SLC17A5: variants seen among roughly 807,000 people sequenced by gnomAD.
SLC17A5 encodes the protein solute carrier family 17 member 5.
SLC17A5 carries 47 observed loss-of-function variants against 59.4 expected under a neutral mutation model. The ratio of observed to expected loss-of-function variants is 0.79; its 90% CI spans 0.63 to 1.01. SLC17A5 has a LOEUF of 1.01. SLC17A5 is among the 50% of genes least tolerant of loss of function. SLC17A5 has a pLI of 0.00. For missense variants in SLC17A5, 522 were observed against 595.5 expected (o/e 0.88, Z 1.28); for synonymous variants, 202 against 210.7 (o/e 0.96, Z 0.36).
In SLC17A5 at chr6:73,600,375, G is replaced by C. The variant is rs1767000687; in HGVS notation, c.1326C>G (p.Val442=). ...FATIPGMVGP[V]IAKSLTPDNT... ...CATCAGGGGTCAGACTTTTAGCAAT[G>C]ACGGGCCCAACCATTCCTGGAATAG... The change falls in exon 10 of 11, where the codon GTC becomes GTG. Residue 442 remains valine, a synonymous_variant. Transcript: ENST00000355773. 5.0e-6 allele frequency: 8 copies of C among 1,613,922 alleles called. No individual in the cohort carries two copies. In the South Asian group the frequency reaches 8.8e-5, roughly 18 times the overall value.
chr6:73,627,040 G>T (rs1768452054), intron 6 of SLC17A5, among the ~76,000 whole-genome samples: 1 of 151,422 alleles, frequency 6.6e-6, no homozygotes, highest in Admixed American at 6.6e-5. Flanking sequence ...CCAAAGTGCT[G>T]GGATTACAGG....
intron 6 of SLC17A5, among the ~76,000 whole-genome samples, chr6:73,632,460 T>TTTTTTAA (rs1561996481): frequency 4.8e-5 from 6 of 125,732 alleles, no homozygotes; most frequent in Non-Finnish European, 9.5e-5. Context: ...TTTTTTTTTT[T>TTTTTTAA]AAGACAGGGT....
chr6:73,599,613 A>T (rs1766965786), intron 10 of SLC17A5, among the ~76,000 whole-genome samples: 1 of 152,242 alleles, frequency 6.6e-6, no homozygotes, highest in South Asian at 2.1e-4. Flanking sequence ...ATATTGAGAC[A>T]CAGAACTTTA....
Position 73,600,373 on chromosome 6 carries a change from A to G in SLC17A5, c.1328T>C (p.Ile443Thr). Residue 443 changes from isoleucine (I) to threonine (T), a missense_variant, in exon 10 of 11, where the codon ATT becomes ACT. Ile to Thr is a moderately conservative substitution (Grantham distance 89, BLOSUM62 -1). Transcript: ENST00000355773. ...TACATCAGGGGTCAGACTTTTAGCAATGACGGGCCCAACCATTCCTGGAAT... is the reference window on the plus strand; with the variant it reads ...TACATCAGGGGTCAGACTTTTAGCAGTGACGGGCCCAACCATTCCTGGAAT... ...ATIPGMVGPVIAKSLTPDNTV... is the reference protein window; with the variant it reads ...ATIPGMVGPVTAKSLTPDNTV... 4.3e-6 allele frequency: 7 copies of G among 1,614,068 alleles called. No individual in the cohort carries two copies. Among genetic ancestry groups the G allele is most frequent in the African/African-American group, 4.0e-5 (3 of 75,046 alleles).
chr6:73,643,932 T>C (rs1396672762), intron 2 of SLC17A5, among the ~76,000 whole-genome samples: 1 of 152,146 alleles, frequency 6.6e-6, no homozygotes, highest in Non-Finnish European at 1.5e-5. Context: ...GCAAAATGAC[T>C]TATGTGGCTT....
At chr6:73,639,672 A>C (rs1019294691) in intron 3 of SLC17A5, among the ~76,000 whole-genome samples, 5 of 152,226 alleles carry the variant, frequency 3.3e-5, no homozygotes, top group Non-Finnish European at 5.9e-5. Flanking sequence ...GTCCTTTATG[A>C]ATGAGGAAAT....
At chr6:73,629,533 G>A (rs1279541664) in intron 6 of SLC17A5, among the ~76,000 whole-genome samples, 1 of 152,166 alleles carries the variant, frequency 6.6e-6, no homozygotes, top group Non-Finnish European at 1.5e-5. Flanking sequence ...AGCACTTTGG[G>A]AGGCCGAAGC....
At position 73,625,933 on chromosome 6, in the gene SLC17A5, C is replaced by T. The variant is rs568483259; in HGVS notation, c.820-3971G>A. 2.0e-5 allele frequency among the ~76,000 whole-genome samples: 3 copies of T among 152,264 alleles called. No individual in the cohort carries two copies. The South Asian group carries it at 6.2e-4, about 32-fold the overall frequency. ...TAGAGATCAGATTTTAAAAAGTCTG[C>T]CCTTATCCTTCTTGATTGAAAAGCT... On this transcript the variant is annotated intron_variant, in intron 6 of 10. Coordinates refer to ENST00000355773, the MANE Select transcript of SLC17A5 (RefSeq NM_012434.5).
intron 6 of SLC17A5, among the ~76,000 whole-genome samples, chr6:73,624,881 C>A (rs76881840): frequency 0.16 from 24,500 of 151,664 alleles, 3,011 homozygotes; most frequent in African/African-American, 0.34. Context: ...CAAAAGAAAA[C>A]AATATATATA....
At position 73,636,688 on chromosome 6, in the gene SLC17A5, T is replaced by A; in HGVS notation, c.633A>T (p.Val211=). 1.2e-6 allele frequency: 2 copies of A among 1,610,854 alleles called. No homozygotes were observed. The highest frequency in any genetic ancestry group is 1.7e-6 in the Non-Finnish European group (2 of 1,177,026). Residue 211 remains valine, a synonymous_variant, in exon 5 of 11, where the codon GTA becomes GTT. Transcript: ENST00000355773. ...ISYAGAQLGT[V]ISLPLSGIIC... is the part of the protein sequence containing the mutation. The stretch of plus-strand genomic sequence containing the variant: ...TTATTCCAGAAAGAGGAAGAGAAAT[T>A]ACTGTCCCAAGCTGTGCTCCTAGAA...
intron 9 of SLC17A5, among the ~76,000 whole-genome samples, chr6:73,603,464 A>T (rs1370448674): frequency 2.1e-5 from 3 of 143,082 alleles, no homozygotes; most frequent in Admixed American, 7.3e-5. Flanking sequence ...CTTGTTGCCC[A>T]GACTGGAGTG....
intron 9 of SLC17A5, among the ~76,000 whole-genome samples, chr6:73,602,061 G>C (rs1767148327): frequency 6.6e-6 from 1 of 151,968 alleles, no homozygotes; most frequent in African/African-American, 2.4e-5. Flanking sequence ...GAAAGAAGTA[G>C]ACATGGGAGA....
intron 2 of SLC17A5, among the ~76,000 whole-genome samples, chr6:73,642,415 G>A (rs200267007): frequency 2.5e-4 from 38 of 152,282 alleles, no homozygotes; most frequent in East Asian, 2.3e-3. Flanking sequence ...ATTACTTACC[G>A]AATGTGTGAT....
intron 1 of SLC17A5, among the ~76,000 whole-genome samples, chr6:73,644,851 T>C (rs1302983976): frequency 2.6e-5 from 4 of 152,146 alleles, no homozygotes; most frequent in Non-Finnish European, 4.4e-5. Flanking sequence ...AAAATAATTA[T>C]GAAAAAATGT....
intron 8 of SLC17A5, among the ~76,000 whole-genome samples, chr6:73,612,697 C>CT (rs1395647709): frequency 2.0e-5 from 3 of 152,130 alleles, no homozygotes; most frequent in African/African-American, 4.8e-5. Context: ...ACCTTAGCCT[C>CT]TGGAGTAGCT....
intron 8 of SLC17A5, among the ~76,000 whole-genome samples, chr6:73,612,993 C>T (rs930686892): frequency 1.3e-5 from 2 of 151,714 alleles, no homozygotes; most frequent in Non-Finnish European, 2.9e-5. Flanking sequence ...GTTGAGGCTG[C>T]AGTGAGCCAT....
chr6:73,638,741 A>T (rs1178040430), intron 3 of SLC17A5, among the ~76,000 whole-genome samples: 1 of 152,086 alleles, frequency 6.6e-6, no homozygotes, highest in Admixed American at 6.6e-5. Context: ...AGGCCAAGGC[A>T]GGAGGATTGC....
intron 1 of SLC17A5, among the ~76,000 whole-genome samples, chr6:73,644,938 G>C (rs149168638): frequency 1.4e-3 from 207 of 152,208 alleles, no homozygotes; most frequent in African/African-American, 4.8e-3. Context: ...TGTAGTTTTG[G>C]TAAAAATTTC....
intron 6 of SLC17A5, among the ~76,000 whole-genome samples, chr6:73,632,434 CTTT>C (rs1163170650): frequency 0.015 from 1,342 of 86,632 alleles, 23 homozygotes; most frequent in African/African-American, 0.045. Flanking sequence ...GTAGAGAAAG[CTTT>C]TTTTTTTTTT....
Sources: gnomAD v4.1 joint callset for allele counts (sites outside exome capture counted in the v4.1 genomes callset) on GRCh38, gnomAD v4.1.1 for gene constraint, MANE v1.5 for transcripts, NCBI Gene and HGNC (gene_info 2026-07-23, HGNC 2026-07-21) for gene names.